LLGL2: variants seen among roughly 807,000 people sequenced by gnomAD.
LLGL2 encodes the protein LLGL2, scribble cell polarity complex component.
Under a neutral mutation model 123.2 loss-of-function variants are expected in LLGL2, and 81 were observed. That is an observed-to-expected ratio of 0.66 (90% confidence interval 0.55 to 0.79). LLGL2 has a LOEUF of 0.79. LLGL2 is among the 30% of genes least tolerant of loss of function. LLGL2 has a pLI of 0.00. For synonymous variants in LLGL2, 577 were observed against 594.1 expected, an observed-to-expected ratio of 0.97 and a Z score of 0.42; for missense variants, 1,273 against 1,414.6, an observed-to-expected ratio of 0.90 and a Z score of 1.61.
chr17:75,566,135 G>A (rs1671023), intron 10 of LLGL2, among the ~76,000 whole-genome samples: 52,394 of 152,108 alleles, frequency 0.34, 10,176 homozygotes, highest in African/African-American at 0.54. Context: ...AGCTGGGAGG[G>A]CTCTTGGCTT....
chr17:75,571,883 ACCT>A lies in LLGL2; in HGVS notation c.2294-9_2294-7del, dbSNP rs761663454. The A allele has an allele frequency of 5.0e-6, 8 of 1,609,962 alleles. No individual in the cohort carries two copies. The highest frequency in any genetic ancestry group is 5.1e-6 in the Non-Finnish European group (6 of 1,179,612). On this transcript the variant is annotated splice_polypyrimidine_tract_variant and intron_variant, in intron 18 of 25. Coordinates refer to ENST00000392550, the MANE Select transcript of LLGL2 (RefSeq NM_001031803.2). ...CACCCCCTCACCAGCCCCAACACCCACCTCCTCCCCCTAGCCAAGGAGATCCAG... is the reference window on the plus strand; with the variant it reads ...CACCCCCTCACCAGCCCCAACACCCACCTCCCCCTAGCCAAGGAGATCCAG...
At chr17:75,560,450 G>T (rs1420932589) in intron 6 of LLGL2, among the ~76,000 whole-genome samples, 1 of 152,072 alleles carries the variant, frequency 6.6e-6, no homozygotes, top group Non-Finnish European at 1.5e-5. Flanking sequence ...TGCCCTGAGA[G>T]CCCCTCCTGC....
chr17:75,525,681 C>G (rs924708992), upstream of LLGL2: 9 of 150,398 alleles, frequency 6.0e-5, no homozygotes, highest in Non-Finnish European at 1.2e-4. The surrounding 1 kb of genome is among the most constrained non-coding windows in gnomAD (Gnocchi z 4.8). Context: ...TAGCGCGGCT[C>G]CGCCCCAGGC....
intron 10 of LLGL2, among the ~76,000 whole-genome samples, chr17:75,565,385 TC>T (rs1227852266): frequency 1.4e-4 from 21 of 152,310 alleles, no homozygotes; most frequent in African/African-American, 5.1e-4. Context: ...GCGGGGCTGT[TC>T]AGGACACCTG....
chr17:75,555,916 T>G, intron 2 of LLGL2, 130 bp from the exon 3 acceptor site: 1 of 664,798 alleles, frequency 1.5e-6, no homozygotes, highest in Non-Finnish European at 2.7e-6. Flanking sequence ...AACACTCAGG[T>G]GTCTGGGAGG....
intron 2 of LLGL2, among the ~76,000 whole-genome samples, chr17:75,552,782 C>A (rs11077793): frequency 0.43 from 66,150 of 152,084 alleles, 16,548 homozygotes; most frequent in South Asian, 0.61. Flanking sequence ...TGAAGGGTTT[C>A]CAAGAACTGA....
chr17:75,563,453 CGT>C lies in LLGL2; in HGVS notation c.818_819del (p.Val273AlafsTer19). ...AQQPEPLRSL[V>X]PYGPFPCKAI... ...AGCAACCAGAGCCCCTCCGCAGCCT[CGT>C]GCCTTACGGTCAGTGTTTCACCCGC... On this transcript the variant is annotated frameshift_variant, in exon 8 of 26. Transcript: ENST00000392550. LOFTEE classifies it high-confidence loss of function. The C allele has an allele frequency of 6.2e-7, 1 of 1,612,522 alleles. No individual in the cohort carries two copies. Among genetic ancestry groups the C allele is most frequent in the East Asian group, 2.2e-5 (1 of 44,888 alleles).
intron 1 of LLGL2, among the ~76,000 whole-genome samples, chr17:75,531,281 G>A (rs1241648434): frequency 6.6e-6 from 1 of 152,216 alleles, no homozygotes; most frequent in Non-Finnish European, 1.5e-5. Flanking sequence ...GCCCCTGCCC[G>A]CACTGTGGGA....
chr17:75,546,939 G>A (rs1424120568), intron 2 of LLGL2, among the ~76,000 whole-genome samples: 3 of 151,894 alleles, frequency 2.0e-5, no homozygotes, highest in Non-Finnish European at 4.4e-5. Context: ...CGAGGGTCAG[G>A]CCCCAGACAG....
At chr17:75,560,823 AAAAAAAAAAC>A (rs2055179500) in intron 6 of LLGL2, among the ~76,000 whole-genome samples, 1 of 108,446 alleles carries the variant, frequency 9.2e-6, no homozygotes, top group Non-Finnish European at 1.8e-5. Flanking sequence ...AAAAAAAAAA[AAAAAAAAAAC>A]AAAGAAAAAA....
chr17:75,559,792 T>C lies in LLGL2; in HGVS notation c.530+382T>C, dbSNP rs928703811. ...CAGCTCCTGGTGCCACCCTTTGCGG[T>C]GGGTACTTTGCTGAGGTTCCATTTG... On this transcript the variant is annotated intron_variant, in intron 6 of 25. Transcript: ENST00000392550. The surrounding 1 kb of genome is among the most constrained non-coding windows in gnomAD (Gnocchi z 4.6). 1.3e-5 allele frequency among the ~76,000 whole-genome samples: 2 copies of C among 152,124 alleles called. No individual in the cohort carries two copies. Among genetic ancestry groups the C allele is most frequent in the Admixed American group, 6.5e-5 (1 of 15,282 alleles).
intron 1 of LLGL2, among the ~76,000 whole-genome samples, chr17:75,540,193 G>A (rs2054155865): frequency 6.6e-6 from 1 of 152,184 alleles, no homozygotes; most frequent in African/African-American, 2.4e-5. Flanking sequence ...AATGGGCTGA[G>A]TAGGCAGGAT....
chr17:75,569,674 C>T lies in LLGL2; in HGVS notation c.1582-289C>T, dbSNP rs116192373. Among the ~76,000 whole-genome samples, 1,007 of 152,118 alleles carry T rather than the reference C, an allele frequency of 6.6e-3. 14 individuals are homozygous for T. Among genetic ancestry groups the T allele is most frequent in the African/African-American group, 0.023 (966 of 41,494 alleles). On this transcript the variant is annotated intron_variant, in intron 14 of 25. Transcript: ENST00000392550. ...AAAAATTAGCCAGGCATTTGTGGCT[C>T]GTGCCTGTAATCCCAGCTACTGGAA...
At chr17:75,563,948 A>G in intron 9 of LLGL2, 142 bp downstream of exon 9, 1 of 819,260 alleles carries the variant, frequency 1.2e-6, no homozygotes, top group Admixed American at 2.1e-5. Context: ...GGGAGGGGAG[A>G]CAGGGTAGAC....
chr17:75,570,265 G>A lies in LLGL2; in HGVS notation c.1874+10G>A. ...GGCAGGTCTTTGTTAAGTGAGCAGG[G>A]GCGGCTGGGTCCCGGGGCTGGGAGT... On this transcript the variant is annotated intron_variant, in intron 15 of 25. Coordinates refer to ENST00000392550, the MANE Select transcript of LLGL2 (RefSeq NM_001031803.2). 6.3e-7 allele frequency: 1 copy of A among 1,599,452 alleles called. No homozygotes were observed. The highest frequency in any genetic ancestry group is 8.5e-7 in the Non-Finnish European group (1 of 1,172,596).
In LLGL2 at chr17:75,558,983, CCCGCCTCCT is replaced by C. The variant is rs2055071400; in HGVS notation, c.372-266_372-258del. 3.0e-5 allele frequency: 15 copies of C among 503,196 alleles called. No homozygotes were observed. The highest frequency in any genetic ancestry group is 5.0e-5 in the Non-Finnish European group (14 of 279,664). 31.2% of individuals were successfully genotyped at this position (503,196 alleles called of 1,614,324 possible). ...CGCACCCCGCCTCCTCCATCCGCAC[CCCGCCTCCT>C]CCATCTGCACCCCGCCTCCTCCATC... On this transcript the variant is annotated intron_variant, in intron 5 of 25. Transcript: ENST00000392550. This position sits in a 1 kb window ranked among gnomAD's most constrained non-coding sequence, Gnocchi z 4.0.
intron 17 of LLGL2, 129 bp downstream of exon 17, chr17:75,571,229 G>A: frequency 1.1e-6 from 1 of 880,834 alleles, no homozygotes; most frequent in South Asian, 1.6e-5. Context: ...TGTGAGCAGG[G>A]GCAGACTGCA....
chr17:75,574,385 G>A, intron 23 of LLGL2, 68 bp from the exon 24 acceptor site: 2 of 1,540,984 alleles, frequency 1.3e-6, no homozygotes, highest in East Asian at 2.4e-5. Flanking sequence ...ACGGAGAAAG[G>A]GGGTGGAAGG....
chr17:75,560,817 A>AAC (rs2055176814), intron 6 of LLGL2, among the ~76,000 whole-genome samples: 1 of 108,870 alleles, frequency 9.2e-6, no homozygotes. Flanking sequence ...AAAAAAAAAA[A>AAC]AAAAAAAAAA....
Sources: allele counts gnomAD v4.1 joint callset (sites outside exome capture counted in the v4.1 genomes callset), GRCh38; gene constraint gnomAD v4.1.1; non-coding constraint Gnocchi (gnomAD v3.1); transcripts MANE v1.5; gene names NCBI Gene and HGNC (gene_info 2026-07-23, HGNC 2026-07-21).